Variants in ADAM12 observed in about 807,000 individuals in gnomAD.
ADAM12 encodes the protein ADAM metallopeptidase domain 12, also known as disintegrin and metalloproteinase domain-containing protein 12.
Under a neutral mutation model 106.4 loss-of-function variants are expected in ADAM12, and 70 were observed. The observed-to-expected ratio is 0.66, with a 90% confidence interval of 0.54 to 0.80. ADAM12 has a LOEUF of 0.80. ADAM12 is among the 30% of genes least tolerant of loss of function. The pLI is 0.00. For synonymous variants in ADAM12, 420 were observed against 433.5 expected (o/e 0.97, Z 0.39); for missense variants, 1,010 against 1,171.9 (o/e 0.86, Z 2.02).
chr10:126,100,206 C>A (rs1032716329), intron 9 of ADAM12, among the ~76,000 whole-genome samples: 1 of 152,058 alleles, frequency 6.6e-6, no homozygotes, highest in Admixed American at 6.6e-5. Context: ...ACGGGTGATG[C>A]ATATTGATTT....
At chr10:126,121,497 A>G (rs1470945917) in intron 5 of ADAM12, among the ~76,000 whole-genome samples, 1 of 25,596 alleles carries the variant, frequency 3.9e-5, no homozygotes, top group Non-Finnish European at 8.8e-5. Flanking sequence ...GTAACAATAT[A>G]TAATATAATA....
intron 8 of ADAM12, among the ~76,000 whole-genome samples, chr10:126,104,685 C>A (rs1455264717): frequency 6.6e-6 from 1 of 152,068 alleles, no homozygotes; most frequent in Admixed American, 6.6e-5. Context: ...CAGCGTCTGG[C>A]CTAGAAGCAT....
intron 3 of ADAM12, among the ~76,000 whole-genome samples, chr10:126,246,431 A>G (rs1958630499): frequency 6.6e-6 from 1 of 152,226 alleles, no homozygotes; most frequent in Admixed American, 6.5e-5. Context: ...GACACAACAA[A>G]AAAAGAAAAC....
At chr10:126,334,593 A>C (rs1283953028) in intron 1 of ADAM12, among the ~76,000 whole-genome samples, 1 of 152,122 alleles carries the variant, frequency 6.6e-6, no homozygotes, top group Non-Finnish European at 1.5e-5. Flanking sequence ...TCAAGATTGC[A>C]ATGAAAGTTT....
Position 126,040,805 on chromosome 10 carries a change from T to C in ADAM12, c.2105-1376A>G, listed in dbSNP as rs73374550. 4.9e-3 allele frequency among the ~76,000 whole-genome samples: 751 copies of C among 152,252 alleles called. 7 individuals carry two copies. Among genetic ancestry groups the C allele is most frequent in the African/African-American group, 0.016 (685 of 41,518 alleles). On this transcript the variant is annotated intron_variant, in intron 18 of 22. Coordinates refer to ENST00000448723, the MANE Select transcript of ADAM12 (RefSeq NM_001288973.2). The stretch of plus-strand genomic sequence containing the variant: ...TCTTCAATACATCAATCTATGAAAC[T>C]GAACATTTACAGGGCCCCCACACTG...
chr10:126,248,165 A>C (rs1958666395), intron 3 of ADAM12, among the ~76,000 whole-genome samples: 1 of 152,144 alleles, frequency 6.6e-6, no homozygotes, highest in Non-Finnish European at 1.5e-5. Flanking sequence ...CATACCCCCT[A>C]TGCATCACTG....
chr10:126,196,586 C>T (rs914619758), intron 3 of ADAM12, among the ~76,000 whole-genome samples: 1 of 152,184 alleles, frequency 6.6e-6, no homozygotes, highest in African/African-American at 2.4e-5. Flanking sequence ...CCTTCTATGT[C>T]GCTGAGTCAT....
intron 1 of ADAM12, among the ~76,000 whole-genome samples, chr10:126,357,041 A>G (rs1430723212): frequency 6.6e-6 from 1 of 152,294 alleles, no homozygotes; most frequent in East Asian, 1.9e-4. Flanking sequence ...CACATAATAC[A>G]TTTAAAGAAA....
At chr10:126,343,313 A>G (rs1395103254) in intron 1 of ADAM12, among the ~76,000 whole-genome samples, 2 of 152,244 alleles carry the variant, frequency 1.3e-5, no homozygotes, top group East Asian at 3.9e-4. Flanking sequence ...TTTACTGAGA[A>G]TGATGATTTC....
rs141431731 is a variant in ADAM12 at position 126,102,901 on chromosome 10, T to A, written c.742-1660A>T. On this transcript the variant is annotated intron_variant, in intron 8 of 22. Coordinates refer to ENST00000448723, the MANE Select transcript of ADAM12 (RefSeq NM_001288973.2). ...AGAGATTACATTTTCAGCTCTATTA[T>A]ATACAAAGGTAACAGTGATCAGAAA... Among the ~76,000 whole-genome samples, 1,237 of 152,286 alleles carry A rather than the reference T, an allele frequency of 8.1e-3. 13 individuals carry two copies. Among genetic ancestry groups the A allele is most frequent in the African/African-American group, 0.028 (1,152 of 41,550 alleles).
intron 1 of ADAM12, among the ~76,000 whole-genome samples, chr10:126,378,458 G>A (rs1216350903): frequency 6.6e-6 from 1 of 152,150 alleles, no homozygotes; most frequent in Non-Finnish European, 1.5e-5. Context: ...ATATGAATAA[G>A]TCTAAAATAT....
intron 1 of ADAM12, among the ~76,000 whole-genome samples, chr10:126,371,517 T>C (rs1227272155): frequency 2.0e-5 from 3 of 152,174 alleles, no homozygotes; most frequent in Admixed American, 2.0e-4. Context: ...TTGCTGTAAA[T>C]TGGGAAAACA....
intron 3 of ADAM12, among the ~76,000 whole-genome samples, chr10:126,166,939 C>T (rs1225605575): frequency 1.3e-5 from 2 of 152,168 alleles, no homozygotes; most frequent in African/African-American, 4.8e-5. Context: ...AAGCCCCACG[C>T]CCACTTCTCT....
chr10:126,308,622 AG>A (rs1269352874), intron 2 of ADAM12, among the ~76,000 whole-genome samples: 1 of 152,208 alleles, frequency 6.6e-6, no homozygotes, highest in African/African-American at 2.4e-5. Flanking sequence ...TCAAATCTTA[AG>A]TGATGTTTTG....
At chr10:126,364,840 C>T (rs2133909574) in intron 1 of ADAM12, among the ~76,000 whole-genome samples, 1 of 152,184 alleles carries the variant, frequency 6.6e-6, no homozygotes, top group African/African-American at 2.4e-5. Flanking sequence ...CCTCCCTCAC[C>T]ATCCCACCTT....
At chr10:126,106,346 G>C (rs576435734) in intron 8 of ADAM12, among the ~76,000 whole-genome samples, 1 of 152,182 alleles carries the variant, frequency 6.6e-6, no homozygotes, top group African/African-American at 2.4e-5. Flanking sequence ...AGCACTTAGA[G>C]CCCGGCACAC....
At position 126,377,840 on chromosome 10, in the gene ADAM12, G is replaced by T. The variant is rs989732364; in HGVS notation, c.88+10218C>A. Among the ~76,000 whole-genome samples, 4 of 152,150 alleles carry T rather than the reference G, an allele frequency of 2.6e-5. No individual in the cohort carries two copies. The East Asian group carries it at 7.7e-4, about 29-fold the overall frequency. On this transcript the variant is annotated intron_variant, in intron 1 of 22. Coordinates refer to ENST00000448723, the MANE Select transcript of ADAM12 (RefSeq NM_001288973.2). ...TACTAGAGCAATTGGTTTTCCAGAT[G>T]GGGGGAAACAGACATGGATCTCATA... is the stretch of plus-strand genomic sequence containing the variant.
chr10:126,039,526 C>T, intron 18 of ADAM12, 97 bp from the exon 19 acceptor site: 1 of 1,472,984 alleles, frequency 6.8e-7, no homozygotes, highest in Non-Finnish European at 9.4e-7. Context: ...AACTCTGAAG[C>T]AACAGAAATG....
At chr10:126,222,756 G>A (rs1019512360) in intron 3 of ADAM12, among the ~76,000 whole-genome samples, 5 of 152,162 alleles carry the variant, frequency 3.3e-5, no homozygotes, top group Admixed American at 2.0e-4. Flanking sequence ...AGCAGAGGCT[G>A]CTGAGAATCT....
Sources: allele counts gnomAD v4.1 joint callset (sites outside exome capture counted in the v4.1 genomes callset), GRCh38; gene constraint gnomAD v4.1.1; transcripts MANE v1.5; gene names NCBI Gene and HGNC (gene_info 2026-07-23, HGNC 2026-07-21).